ITPR3: variants seen among roughly 807,000 people sequenced by gnomAD.
ITPR3 encodes the protein inositol 1,4,5-trisphosphate-gated calcium channel ITPR3.
A neutral mutation model predicts 293.2 loss-of-function variants in ITPR3; 173 were observed. The ratio of observed to expected loss-of-function variants is 0.59; its 90% CI spans 0.52 to 0.67. ITPR3 has a LOEUF of 0.67. Among genes scored for constraint, ITPR3 ranks in the 30% least tolerant of loss-of-function variants. The pLI is 0.00. For synonymous variants in ITPR3, 1,295 were observed against 1,444.4 expected, an observed-to-expected ratio of 0.90 and a Z score of 2.35; for missense variants, 2,796 against 3,592.1, an observed-to-expected ratio of 0.78 and a Z score of 5.66.
At chr6:33,625,492 G>A (rs1360079869) in intron 1 of ITPR3, among the ~76,000 whole-genome samples, 2 of 152,186 alleles carry the variant, frequency 1.3e-5, no homozygotes, top group Admixed American at 6.5e-5. Context: ...GCCTCCCAAA[G>A]TGTTGGGATT....
intron 6 of ITPR3, 53 bp from the exon 7 acceptor site, chr6:33,659,413 C>A (rs563501812): frequency 6.0e-6 from 9 of 1,497,752 alleles, no homozygotes; most frequent in South Asian, 2.3e-5. Context: ...CTGCTCTGGG[C>A]CCTCAGTGGC....
chr6:33,642,836 C>G (rs1271625905), intron 2 of ITPR3, among the ~76,000 whole-genome samples: 1 of 152,168 alleles, frequency 6.6e-6, no homozygotes, highest in African/African-American at 2.4e-5. Flanking sequence ...CTCCTTCCCC[C>G]TCTTCTCTGC....
intron 7 of ITPR3, among the ~76,000 whole-genome samples, chr6:33,661,339 G>A (rs971254696): frequency 4.6e-5 from 7 of 152,174 alleles, no homozygotes; most frequent in African/African-American, 1.7e-4. Flanking sequence ...AGGCTCAGCG[G>A]GAGGAAGGTG....
intron 49 of ITPR3, 103 bp from the exon 50 acceptor site, chr6:33,689,135 G>C: frequency 7.4e-7 from 1 of 1,353,712 alleles, no homozygotes; most frequent in Non-Finnish European, 1.0e-6. Context: ...GAACTTAACC[G>C]GGAAGGCGGC....
Position 33,667,789 on chromosome 6 carries a change from C to A in ITPR3, c.1714-3C>A, listed in dbSNP as rs774115645. 1.9e-5 allele frequency: 30 copies of A among 1,613,842 alleles called. No individual in the cohort carries two copies. The highest frequency in any genetic ancestry group is 4.0e-5 in the African/African-American group (3 of 74,906). On this transcript the variant is annotated splice_polypyrimidine_tract_variant and splice_region_variant and intron_variant, in intron 15 of 57. Transcript: ENST00000605930. The surrounding 1 kb of genome is among the most constrained non-coding windows in gnomAD (Gnocchi z 4.4). ...GTGACCCCCAGCCTGTCTGCCCCCC[C>A]AGGAGCACATTGCCAAGCAGTTTGG...
rs146887920 is a variant in ITPR3, at chr6:33,689,361, T to C, written c.6818T>C (p.Ile2273Thr). 23 of 1,612,140 alleles carry C rather than the reference T, an allele frequency of 1.4e-5. 1 individual carries two copies. The African/African-American group carries it at 2.7e-4, about 19-fold the overall frequency. The change falls in exon 50 of 58, where the codon ATC becomes ACC. Residue 2273 changes from isoleucine to threonine, a missense_variant. By Grantham distance (89) the Ile-to-Thr change is moderately conservative (BLOSUM62 -1). Coordinates refer to ENST00000605930, the MANE Select transcript of ITPR3 (RefSeq NM_002224.4). ...PLIVALILRS[I>T]YYLGIGPTLN... The stretch of plus-strand genomic sequence containing the variant: ...ATCGTGGCGCTCATCCTGCGCTCCA[T>C]CTACTATCTGGGCATCGGGCCCACA...
In ITPR3 at chr6:33,672,460, T is replaced by A. The variant is rs1241774314; in HGVS notation, c.2928+232T>A. On this transcript the variant is annotated intron_variant, in intron 22 of 57. Coordinates refer to ENST00000605930, the MANE Select transcript of ITPR3 (RefSeq NM_002224.4). The surrounding 1 kb of genome is among the most constrained non-coding windows in gnomAD (Gnocchi z 5.0). ...TCGGTTGTGCGCAGTGACTCACGCC[T>A]GTAATCCCAGTGCTTTGGGAGGCCA... Among the ~76,000 whole-genome samples the A allele has an allele frequency of 6.6e-6, 1 of 152,080 alleles. No individual in the cohort carries two copies. Among genetic ancestry groups the A allele is most frequent in the Non-Finnish European group, 1.5e-5 (1 of 68,024 alleles).
chr6:33,677,939 A>G (rs768586392), intron 28 of ITPR3, among the ~76,000 whole-genome samples: 1 of 151,690 alleles, frequency 6.6e-6, no homozygotes, highest in Non-Finnish European at 1.5e-5. Context: ...CTTCATCTCA[A>G]CCTTTGACCC....
At chr6:33,659,405 G>C (rs1764398156) in intron 6 of ITPR3, 61 bp from the exon 7 acceptor site, 5 of 1,462,254 alleles carry the variant, frequency 3.4e-6, no homozygotes, top group Non-Finnish European at 4.8e-6. Context: ...CTTCAGCCCT[G>C]CTCTGGGCCC....
chr6:33,675,876 C>T lies in ITPR3; in HGVS notation c.3282+20C>T. On this transcript the variant is annotated intron_variant, in intron 25 of 57. Transcript: ENST00000605930. This position sits in a 1 kb window ranked among gnomAD's most constrained non-coding sequence, Gnocchi z 5.0. ...AAGCAGGTGACGGGACTACCTGGCC[C>T]TGGCCCTGAGCATGAGGCCTGCACC... 1 of 1,543,944 alleles carries T rather than the reference C, an allele frequency of 6.5e-7. No individual in the cohort carries two copies. Among genetic ancestry groups the T allele is most frequent in the Non-Finnish European group, 8.7e-7 (1 of 1,142,886 alleles).
In ITPR3 at chr6:33,678,847, C is replaced by G; in HGVS notation, c.3972+8C>G. On this transcript the variant is annotated splice_region_variant and intron_variant, in intron 30 of 57. Coordinates refer to ENST00000605930, the MANE Select transcript of ITPR3 (RefSeq NM_002224.4). ...GACATGATCATGACTGAGGTGAGGG[C>G]GGGGCTGAGGGGTGCTCAGGCATCT... 2 of 1,591,454 alleles carry G rather than the reference C, an allele frequency of 1.3e-6. No individual in the cohort carries two copies. Among genetic ancestry groups the G allele is most frequent in the Non-Finnish European group, 8.6e-7 (1 of 1,167,478 alleles).
chr6:33,668,866 C>G, intron 17 of ITPR3, 108 bp from the exon 18 acceptor site: 1 of 1,279,084 alleles, frequency 7.8e-7, no homozygotes, highest in Non-Finnish European at 1.1e-6. Context: ...TATGGTCTCT[C>G]TGGGTCCCCG....
In ITPR3 at chr6:33,679,126, G is replaced by A. The variant is rs543594628; in HGVS notation, c.3972+287G>A. Among the ~76,000 whole-genome samples the A allele has an allele frequency of 1.4e-4, 22 of 152,314 alleles. No homozygotes were observed. Among genetic ancestry groups the A allele is most frequent in the Admixed American group, 3.9e-4 (6 of 15,302 alleles). ...AAGCATGCATTCCTTGTCACTTGTC[G>A]TCGTTTATTTAAAATCAGGAAGCAC... On this transcript the variant is annotated intron_variant, in intron 30 of 57. Transcript: ENST00000605930. This position sits in a 1 kb window ranked among gnomAD's most constrained non-coding sequence, Gnocchi z 4.2.
chr6:33,627,362 T>A (rs1195447876), intron 1 of ITPR3, among the ~76,000 whole-genome samples: 3 of 152,240 alleles, frequency 2.0e-5, no homozygotes, highest in African/African-American at 7.2e-5. Flanking sequence ...AATGAACATT[T>A]ACAAACAATA....
rs1390313457 is a variant in ITPR3 at position 33,687,903 on chromosome 6, G to A, written c.6265-154G>A. ...TTTGGCACCAGGTTCTCAAGGCTCAGTCCTAGTTGGGCTGGGCTTGGCCTG... is the reference window on the plus strand; with the variant it reads ...TTTGGCACCAGGTTCTCAAGGCTCAATCCTAGTTGGGCTGGGCTTGGCCTG... On this transcript the variant is annotated intron_variant, in intron 46 of 57. Coordinates refer to ENST00000605930, the MANE Select transcript of ITPR3 (RefSeq NM_002224.4). The surrounding 1 kb of genome is among the most constrained non-coding windows in gnomAD (Gnocchi z 5.3). 1.3e-5 allele frequency among the ~76,000 whole-genome samples: 2 copies of A among 152,192 alleles called. No homozygotes were observed. The highest frequency in any genetic ancestry group is 4.8e-5 in the African/African-American group (2 of 41,450).
At chr6:33,668,284 C>T (rs1764667571) in intron 16 of ITPR3, among the ~76,000 whole-genome samples, 1 of 152,190 alleles carries the variant, frequency 6.6e-6, no homozygotes, top group African/African-American at 2.4e-5. Flanking sequence ...CTTGCGCTTC[C>T]TCACCCTGTC....
In ITPR3 at chr6:33,655,769, G is replaced by C. The variant is rs1274203937; in HGVS notation, c.164G>C (p.Cys55Ser). ...CCCCCAACCTGCCCCACCACAGACT[G>C]CCTCTTCAAGGTGTGCCCCATGAAC... Reference protein sequence around the residue: ...LDNPPKKFRDCLFKVCPMNRY... With the variant: ...LDNPPKKFRDSLFKVCPMNRY... The change falls in exon 3 of 58, where the codon TGC becomes TCC. Residue 55 changes from cysteine (C) to serine (S), a missense_variant. This residue lies in a region of ITPR3 where 53 missense variants were observed against 45.7 expected (regional missense o/e 1.16). Transcript: ENST00000605930. This position sits in a 1 kb window ranked among gnomAD's most constrained non-coding sequence, Gnocchi z 4.9. The C allele has an allele frequency of 1.2e-6, 2 of 1,613,916 alleles. No individual in the cohort carries two copies. Among genetic ancestry groups the C allele is most frequent in the African/African-American group, 2.7e-5 (2 of 74,890 alleles).
intron 33 of ITPR3, among the ~76,000 whole-genome samples, chr6:33,681,837 A>C (rs548137259): frequency 1.3e-5 from 2 of 151,794 alleles, no homozygotes; most frequent in Non-Finnish European, 2.9e-5. Flanking sequence ...ATCCTTGATC[A>C]GCTCCAGGGC....
chr6:33,662,286 A>G (rs1185660272), intron 7 of ITPR3, among the ~76,000 whole-genome samples: 1 of 151,902 alleles, frequency 6.6e-6, no homozygotes, highest in African/African-American at 2.4e-5. Context: ...GGTGGGTTTG[A>G]ACATGGGAAG....
Sources: allele counts gnomAD v4.1 joint callset (sites outside exome capture counted in the v4.1 genomes callset), GRCh38; gene constraint gnomAD v4.1.1; regional missense constraint gnomAD v4.1.1; non-coding constraint Gnocchi (gnomAD v3.1); transcripts MANE v1.5; gene names NCBI Gene and HGNC (gene_info 2026-07-23, HGNC 2026-07-21).